Variants in CHSY3 observed in about 807,000 individuals in gnomAD.
The protein encoded by CHSY3 is N-acetylgalactosaminyl-proteoglycan 3-beta-glucuronosyltransferase 3.
A neutral mutation model predicts 67.2 loss-of-function variants in CHSY3; 35 were observed. That is an observed-to-expected ratio of 0.52 (90% confidence interval 0.40 to 0.69). The LOEUF (loss-of-function observed/expected upper bound fraction) is 0.69. Among genes scored for constraint, CHSY3 ranks in the 30% least tolerant of loss-of-function variants. CHSY3 has a pLI of 0.00. For missense variants in CHSY3, 1,069 were observed against 1,138.5 expected (o/e 0.94, Z 0.88); for synonymous variants, 474 against 434.7 (o/e 1.09, Z -1.12).
At chr5:130,140,263 T>A in intron 2 of CHSY3, 1 of 336,092 alleles carries the variant, frequency 3.0e-6, no homozygotes, top group Non-Finnish European at 5.4e-6. Context: ...TGGATGGAGA[T>A]TTGAGGATAC....
intron 2 of CHSY3, among the ~76,000 whole-genome samples, chr5:130,148,112 C>T (rs1286599489): frequency 6.6e-6 from 1 of 152,114 alleles, no homozygotes; most frequent in Non-Finnish European, 1.5e-5. Context: ...CATGTGTTCT[C>T]ATCATCTTGC....
chr5:130,137,716 T>C (rs1768712142), intron 2 of CHSY3, among the ~76,000 whole-genome samples: 1 of 152,214 alleles, frequency 6.6e-6, no homozygotes, highest in Non-Finnish European at 1.5e-5. Context: ...AGTATTTTTC[T>C]CTTAAATATT....
chr5:130,088,646 G>T (rs1322384450), intron 2 of CHSY3, among the ~76,000 whole-genome samples: 2 of 152,214 alleles, frequency 1.3e-5, no homozygotes, highest in South Asian at 2.1e-4. Context: ...GGCCATCAAA[G>T]AAATGCAAAT....
chr5:129,913,432 G>T (rs1760633690), intron 2 of CHSY3, among the ~76,000 whole-genome samples: 1 of 152,092 alleles, frequency 6.6e-6, no homozygotes, highest in Non-Finnish European at 1.5e-5. Flanking sequence ...CATTAAAATT[G>T]TATATCATAT....
chr5:130,129,327 A>G (rs1768404624), intron 2 of CHSY3, among the ~76,000 whole-genome samples: 1 of 152,168 alleles, frequency 6.6e-6, no homozygotes, highest in Non-Finnish European at 1.5e-5. Flanking sequence ...ATGATGTGCC[A>G]TGGTGGTAAC....
At chr5:129,976,711 G>T (rs1335617809) in intron 2 of CHSY3, among the ~76,000 whole-genome samples, 1 of 151,814 alleles carries the variant, frequency 6.6e-6, no homozygotes, top group Non-Finnish European at 1.5e-5. Flanking sequence ...GTAGGAACTG[G>T]CTACTCTGGC....
At chr5:129,923,429 G>A (rs372130711) in intron 2 of CHSY3, among the ~76,000 whole-genome samples, 1 of 151,892 alleles carries the variant, frequency 6.6e-6, no homozygotes, top group Non-Finnish European at 1.5e-5. Context: ...AATACTTATC[G>A]AGCATCTAAT....
intron 2 of CHSY3, among the ~76,000 whole-genome samples, chr5:129,910,869 T>C (rs1057278203): frequency 6.6e-6 from 1 of 152,072 alleles, no homozygotes; most frequent in Non-Finnish European, 1.5e-5. Flanking sequence ...AAAAAAGCTA[T>C]GAAATTGATC....
chr5:130,020,451 ATATATATATATTTTT>A (rs1180643171), intron 2 of CHSY3, among the ~76,000 whole-genome samples: 182 of 13,890 alleles, frequency 0.013, 1 homozygote, highest in Admixed American at 0.029. Context: ...ATATATATAT[ATATATATATATTTTT>A]TTTTTTTTTT....
At chr5:130,097,633 G>C (rs532061157) in intron 2 of CHSY3, among the ~76,000 whole-genome samples, 1 of 152,154 alleles carries the variant, frequency 6.6e-6, no homozygotes, top group Admixed American at 6.5e-5. Flanking sequence ...GTGTAACTAC[G>C]TGTTAAGATG....
At chr5:129,910,005 T>G (rs552125269) in intron 2 of CHSY3, among the ~76,000 whole-genome samples, 1 of 152,120 alleles carries the variant, frequency 6.6e-6, no homozygotes, top group South Asian at 2.1e-4. Flanking sequence ...GAAGGCCTAG[T>G]CTTCACCTAG....
At chr5:130,012,332 A>G (rs1043139461) in intron 2 of CHSY3, among the ~76,000 whole-genome samples, 2 of 152,222 alleles carry the variant, frequency 1.3e-5, no homozygotes, top group Admixed American at 1.3e-4. Context: ...GCCAACAAAA[A>G]CAAGCACAAG....
intron 2 of CHSY3, among the ~76,000 whole-genome samples, chr5:130,125,907 T>C (rs528253755): frequency 1.4e-4 from 21 of 152,218 alleles, no homozygotes; most frequent in Non-Finnish European, 2.4e-4. Flanking sequence ...CACTCCATAA[T>C]AAAATGGTCA....
intron 2 of CHSY3, among the ~76,000 whole-genome samples, chr5:130,066,769 G>A (rs373465363): frequency 1.1e-4 from 17 of 152,204 alleles, no homozygotes; most frequent in South Asian, 4.1e-4. Context: ...AGGAAAAGGC[G>A]TAAGCTGCAG....
chr5:129,987,197 T>G (rs1176937754), intron 2 of CHSY3, among the ~76,000 whole-genome samples: 2 of 152,132 alleles, frequency 1.3e-5, no homozygotes, highest in Non-Finnish European at 2.9e-5. Flanking sequence ...GAATTCAGCT[T>G]GGTGGTAGAA....
chr5:129,912,632 C>G (rs1401328325), intron 2 of CHSY3, among the ~76,000 whole-genome samples: 9 of 152,168 alleles, frequency 5.9e-5, no homozygotes, highest in Non-Finnish European at 1.0e-4. Context: ...CTGCTTTTCA[C>G]CAGGTTCCTA....
At chr5:129,919,675 G>A (rs1459307478) in intron 2 of CHSY3, among the ~76,000 whole-genome samples, 2 of 152,076 alleles carry the variant, frequency 1.3e-5, no homozygotes, top group African/African-American at 4.8e-5. Flanking sequence ...TATCTCCCCC[G>A]GGTCCCTTCC....
intron 2 of CHSY3, among the ~76,000 whole-genome samples, chr5:129,920,705 A>G (rs1048562734): frequency 1.3e-5 from 2 of 152,210 alleles, no homozygotes; most frequent in African/African-American, 2.4e-5. Context: ...TGTAACTTTT[A>G]CAGTTTGAAG....
chr5:129,969,263 A>G (rs1003866377), intron 2 of CHSY3, among the ~76,000 whole-genome samples: 2 of 151,852 alleles, frequency 1.3e-5, no homozygotes, highest in African/African-American at 4.8e-5. Flanking sequence ...ATAAGTTGGT[A>G]TAAGATTGAG....
Sources: allele counts gnomAD v4.1 joint callset (sites outside exome capture counted in the v4.1 genomes callset), GRCh38; gene constraint gnomAD v4.1.1; transcripts MANE v1.5; gene names NCBI Gene and HGNC (gene_info 2026-07-23, HGNC 2026-07-21).